Variants in CCDC57 observed in about 807,000 individuals in gnomAD.
CCDC57 encodes the protein coiled-coil domain-containing protein 57.
A neutral mutation model predicts 118.9 loss-of-function variants in CCDC57; 118 were observed. The observed-to-expected ratio is 0.99, with a 90% CI of 0.86 to 1.16. The LOEUF (loss-of-function observed/expected upper bound fraction) is 1.16. Ranked by LOEUF, CCDC57 falls within the 50% of genes most tolerant of loss-of-function variation. The pLI is 0.00. For synonymous variants in CCDC57, 527 were observed against 532.9 expected (o/e 0.99, Z 0.15); for missense variants, 1,300 against 1,320.7 (o/e 0.98, Z 0.24).
At chr17:82,105,999 C>T (rs751308454) in intron 19 of CCDC57, among the ~76,000 whole-genome samples, 11 of 152,214 alleles carry the variant, frequency 7.2e-5, no homozygotes, top group Admixed American at 3.3e-4. Flanking sequence ...GGGGCCTGGG[C>T]GCCGACCACA....
exon 4 of CCDC57, chr17:82,198,343 GCTC>G (rs2048550785): frequency 1.2e-6 from 2 of 1,613,430 alleles, no homozygotes; most frequent in Non-Finnish European, 1.7e-6. Context: ...TCACCGTCGA[GCTC>G]CTCAAGTTTT....
At chr17:82,205,401 C>A (rs561612281) in intron 2 of CCDC57, among the ~76,000 whole-genome samples, 1 of 152,216 alleles carries the variant, frequency 6.6e-6, no homozygotes, top group Non-Finnish European at 1.5e-5. Context: ...GCAATCTTAT[C>A]TGGCCTCAAA....
intron 1 of CCDC57, among the ~76,000 whole-genome samples, chr17:82,210,983 G>A (rs1245542750): frequency 8.2e-6 from 1 of 122,646 alleles, no homozygotes; most frequent in African/African-American, 3.1e-5. Context: ...GGCAAAGAGA[G>A]ACTCCGTCTT....
chr17:82,175,895 A>C (rs2045407451), intron 11 of CCDC57, among the ~76,000 whole-genome samples: 1 of 152,198 alleles, frequency 6.6e-6, no homozygotes, highest in Non-Finnish European at 1.5e-5. Flanking sequence ...TACTGGAATG[A>C]GCTAACTTTA....
intron 15 of CCDC57, chr17:82,155,445 C>A: frequency 6.6e-6 from 1 of 152,560 alleles, no homozygotes; most frequent in Non-Finnish European, 1.5e-5. Context: ...AGTTCTGGTC[C>A]TTGGGGACCC....
At position 82,151,926 on chromosome 17, in the gene CCDC57, G is replaced by T. The variant is rs749594332; in HGVS notation, c.2242-153C>A. On this transcript the variant is annotated intron_variant, in intron 15 of 19. Transcript: ENST00000665763. Reference sequence around the variant, plus strand: ...CATCCTTCCAAAAGAAAGACAAAAAGAGTCGCTGCTCCCAGTGCTTCAGTG... The same window carrying T: ...CATCCTTCCAAAAGAAAGACAAAAATAGTCGCTGCTCCCAGTGCTTCAGTG... 5 of 638,528 alleles carry T rather than the reference G, an allele frequency of 7.8e-6. No homozygotes were observed. In the East Asian group the frequency reaches 1.4e-4, roughly 17 times the overall value. 39.6% of individuals were successfully genotyped at this position (638,528 alleles called of 1,614,324 possible). A position where few individuals can be genotyped will look rare whatever the true frequency, so the allele number is the denominator to read the frequency against.
At chr17:82,182,966 G>C (rs1222248924) in intron 9 of CCDC57, among the ~76,000 whole-genome samples, 1 of 152,192 alleles carries the variant, frequency 6.6e-6, no homozygotes, top group African/African-American at 2.4e-5. Context: ...GATGACAGGC[G>C]TGAGCCATCA....
At chr17:82,104,518 C>T (rs1353711991) in intron 19 of CCDC57, among the ~76,000 whole-genome samples, 1 of 152,136 alleles carries the variant, frequency 6.6e-6, no homozygotes, top group Non-Finnish European at 1.5e-5. Flanking sequence ...GCGGCTGCAC[C>T]ATACTTGGAG....
intron 19 of CCDC57, among the ~76,000 whole-genome samples, chr17:82,125,947 G>A (rs563084375): frequency 3.9e-5 from 6 of 152,152 alleles, no homozygotes; most frequent in Non-Finnish European, 8.8e-5. Flanking sequence ...AAGTGTGAGC[G>A]ATGGAAAACT....
intron 11 of CCDC57, among the ~76,000 whole-genome samples, chr17:82,176,755 A>G (rs2045559168): frequency 6.6e-6 from 1 of 152,038 alleles, no homozygotes; most frequent in South Asian, 2.1e-4. Flanking sequence ...CTTGCTTCCA[A>G]CAAGGAAGGC....
chr17:82,134,036 T>A (rs2038817045), intron 17 of CCDC57, 37 bp downstream of exon 16: 18 of 1,344,740 alleles, frequency 1.3e-5, no homozygotes, highest in Non-Finnish European at 1.7e-5. Context: ...TAGGGAAATA[T>A]TTTTAAAAAT....
At chr17:82,148,613 TG>T (rs2041303637) in intron 16 of CCDC57, among the ~76,000 whole-genome samples, 1 of 67,248 alleles carries the variant, frequency 1.5e-5, no homozygotes, top group African/African-American at 5.9e-5. Context: ...GATGGATGGG[TG>T]GGTGAGTAGA....
intron 19 of CCDC57, among the ~76,000 whole-genome samples, chr17:82,108,557 G>A (rs769382156): frequency 8.5e-5 from 13 of 152,162 alleles, no homozygotes; most frequent in Non-Finnish European, 1.3e-4. Flanking sequence ...TGCATGTGAC[G>A]GTGTCCAAGA....
chr17:82,189,476 C>A (rs562335818), intron 7 of CCDC57, among the ~76,000 whole-genome samples: 1 of 152,180 alleles, frequency 6.6e-6, no homozygotes, highest in Admixed American at 6.5e-5. Context: ...GGGTTTCAGA[C>A]CCCTTGGCAA....
In CCDC57 at chr17:82,157,868, CA is replaced by C; in HGVS notation, c.2120del (p.Leu707TrpfsTer16). ...GCTCAGCCACCTGCTTCCGCAGCTC[CA>C]AAACCTCCAGGTGTACCTGGTCCAC... On this transcript the variant is annotated frameshift_variant, in exon 15 of 20. Coordinates refer to ENST00000665763, the Ensembl canonical transcript of CCDC57. LOFTEE classifies it high-confidence loss of function. 6.3e-7 allele frequency: 1 copy of C among 1,585,058 alleles called. No individual in the cohort carries two copies. Among genetic ancestry groups the C allele is most frequent in the Non-Finnish European group, 8.6e-7 (1 of 1,166,284 alleles).
At chr17:82,128,361 G>T in intron 18 of CCDC57, 132 bp downstream of exon 17, 1 of 657,044 alleles carries the variant, frequency 1.5e-6, no homozygotes, top group Non-Finnish European at 2.6e-6. Context: ...ATTGTGAGCA[G>T]TCCCTGATGA....
intron 17 of CCDC57, among the ~76,000 whole-genome samples, chr17:82,131,509 G>A (rs552726775): frequency 6.6e-5 from 10 of 152,106 alleles, no homozygotes; most frequent in Non-Finnish European, 1.3e-4. Flanking sequence ...GGGAGGCAGA[G>A]GTGGGCAAAT....
At chr17:82,136,925 A>C (rs1183141288) in intron 16 of CCDC57, among the ~76,000 whole-genome samples, 1 of 152,012 alleles carries the variant, frequency 6.6e-6, no homozygotes, top group African/African-American at 2.4e-5. Flanking sequence ...TGGTTGAAAG[A>C]AAGCTAGTTT....
chr17:82,163,439 T>G, intron 13 of CCDC57, 82 bp from the exon 13 acceptor site: 1 of 1,531,600 alleles, frequency 6.5e-7, no homozygotes, highest in East Asian at 2.3e-5. Context: ...CTCTATCAGC[T>G]CTCCCTTTCC....
Sources: gnomAD v4.1 joint callset for allele counts (sites outside exome capture counted in the v4.1 genomes callset) on GRCh38, gnomAD v4.1.1 for gene constraint, MANE v1.5 for transcripts, NCBI Gene and HGNC (gene_info 2026-07-23, HGNC 2026-07-21) for gene names.